CYP4F2: variants seen among roughly 807,000 people sequenced by gnomAD.
CYP4F2 encodes the protein cytochrome P450 family 4 subfamily F member 2.
CYP4F2 carries 58 observed loss-of-function variants against 58.9 expected under a neutral mutation model. The ratio of observed to expected loss-of-function variants is 0.98; its 90% confidence interval spans 0.80 to 1.23. CYP4F2 has a LOEUF of 1.23. Ranked by LOEUF, CYP4F2 falls within the 50% of genes most tolerant of loss-of-function variation. The pLI is 0.00. For synonymous variants in CYP4F2, 287 were observed against 261.1 expected (o/e 1.10, Z -0.95); for missense variants, 616 against 685.6 (o/e 0.90, Z 1.13).
At chr19:15,888,058 A>C (rs1347873909) in intron 7 of CYP4F2, among the ~76,000 whole-genome samples, 1 of 152,028 alleles carries the variant, frequency 6.6e-6, no homozygotes, top group Non-Finnish European at 1.5e-5. Flanking sequence ...ACACACATAG[A>C]CTGTCACAGA....
chr19:15,897,338 CCCACT>C, intron 2 of CYP4F2, 71 bp downstream of exon 2: 1 of 1,383,886 alleles, frequency 7.2e-7, no homozygotes. Flanking sequence ...CCCCTTCACC[CCCACT>C]CCCTAAGCCT....
At chr19:15,896,461 A>T (rs1407226269) in intron 2 of CYP4F2, among the ~76,000 whole-genome samples, 2 of 152,134 alleles carry the variant, frequency 1.3e-5, no homozygotes, top group African/African-American at 4.8e-5. Context: ...GCCCAGAGGC[A>T]GCTATATGGG....
chr19:15,892,485 C>T (rs902933201), intron 4 of CYP4F2, 44 bp downstream of exon 4: 4 of 1,613,792 alleles, frequency 2.5e-6, no homozygotes, highest in Middle Eastern at 1.6e-4. Context: ...CCTCCCCTGG[C>T]CCCCCAACGT....
chr19:15,879,716 G>A, intron 10 of CYP4F2, 48 bp from the exon 11 acceptor site: 1 of 1,613,878 alleles, frequency 6.2e-7, no homozygotes, highest in Non-Finnish European at 8.5e-7. Context: ...TTCACTGAGG[G>A]GCCCCTCTTC....
Position 15,878,463 on chromosome 19 carries a change from G to A in CYP4F2, c.*308C>T. Reference sequence around the variant, plus strand: ...TCAAGGTTCATCCACAGTGTAGTAGGGATCACTGCTTCATTCCTTTTTATG... The same window carrying A: ...TCAAGGTTCATCCACAGTGTAGTAGAGATCACTGCTTCATTCCTTTTTATG... On this transcript the variant is annotated 3_prime_UTR_variant, in exon 13 of 13. Coordinates refer to ENST00000221700, the MANE Select transcript of CYP4F2 (RefSeq NM_001082.5). The A allele has an allele frequency of 2.3e-6, 1 of 437,532 alleles. No individual in the cohort carries two copies. The highest frequency in any genetic ancestry group is 4.1e-6 in the Non-Finnish European group (1 of 245,138). The allele number at this position is 437,532 out of a possible 1,614,324, so 27.1% of individuals were successfully genotyped here.
At chr19:15,892,053 G>C (rs1303161559) in intron 5 of CYP4F2, among the ~76,000 whole-genome samples, 3 of 152,114 alleles carry the variant, frequency 2.0e-5, no homozygotes, top group African/African-American at 7.2e-5. Context: ...GTGTTTACAG[G>C]GCTTTGGTGA....
At chr19:15,886,128 G>A (rs2089377755) in intron 8 of CYP4F2, 75 bp from the exon 9 acceptor site, 1 of 1,604,354 alleles carries the variant, frequency 6.2e-7, no homozygotes, top group East Asian at 2.2e-5. Flanking sequence ...CATGCATTGA[G>A]GGCCTCAGGG....
chr19:15,886,031 A>G lies in CYP4F2; in HGVS notation c.1008T>C (p.Gly336=), dbSNP rs769453088. 4.3e-6 allele frequency: 7 copies of G among 1,613,770 alleles called. No individual in the cohort carries two copies. Among genetic ancestry groups the G allele is most frequent in the Non-Finnish European group, 5.9e-6 (7 of 1,179,906 alleles). Residue 336 remains glycine (G), a synonymous_variant, in exon 9 of 13, where the codon GGT becomes GGC. Transcript: ENST00000221700. Reference sequence around the variant, plus strand: ...CAAGGTGGTACAGGACCCAGGAGAGACCACTGGCCGTGGTGTCATGGCCTG... The same window carrying G: ...CAAGGTGGTACAGGACCCAGGAGAGGCCACTGGCCGTGGTGTCATGGCCTG... ...MFEGHDTTAS[G]LSWVLYHLAK... is the part of the protein sequence containing the mutation.
Position 15,885,926 on chromosome 19 carries a change from T to G in CYP4F2, c.1113A>C (p.Glu371Asp). Reference protein sequence around the residue: ...LLKDREPKEIEWDDLAHLPFL... With the variant: ...LLKDREPKEIDWDDLAHLPFL... ...AGGCCACAAGCACCTGCACTCACCATTCAATCTCTTTAGGCTCACGGTCCT... is the reference window on the plus strand; with the variant it reads ...AGGCCACAAGCACCTGCACTCACCAGTCAATCTCTTTAGGCTCACGGTCCT... Residue 371 changes from glutamate to aspartate, a missense_variant and splice_region_variant, in exon 9 of 13, where the codon GAA (glutamate) becomes GAC (aspartate). Physicochemically the swap from Glu to Asp is conservative, Grantham distance 45. Transcript: ENST00000221700. 1 of 1,613,228 alleles carries G rather than the reference T, an allele frequency of 6.2e-7. No individual in the cohort carries two copies. The highest frequency in any genetic ancestry group is 8.5e-7 in the Non-Finnish European group (1 of 1,179,478).
chr19:15,892,437 C>A lies in CYP4F2; in HGVS notation c.398-1G>T. On this transcript the variant is annotated splice_acceptor_variant, in intron 4 of 12. Transcript: ENST00000221700. LOFTEE classifies it high-confidence loss of function. ...CCAGCACTCAGCAGGAGCCCATCCC[C>A]TAGCAGGGCAGCCAAGGGCCATGGG... 6.2e-7 allele frequency: 1 copy of A among 1,614,214 alleles called. No homozygotes were observed. Among genetic ancestry groups the A allele is most frequent in the South Asian group, 1.1e-5 (1 of 91,078 alleles).
chr19:15,895,291 T>C (rs2215093), intron 3 of CYP4F2, among the ~76,000 whole-genome samples: 27,324 of 151,838 alleles, frequency 0.18, 2,651 homozygotes, highest in African/African-American at 0.23. Flanking sequence ...TCTCTTAGGG[T>C]TCCAGGGCAG....
In CYP4F2 at chr19:15,882,725, A is replaced by G. The variant is rs548266406; in HGVS notation, c.1116-2828T>C. 7.2e-5 allele frequency among the ~76,000 whole-genome samples: 11 copies of G among 152,364 alleles called. No individual in the cohort carries two copies. The South Asian group carries it at 2.3e-3, about 32-fold the overall frequency. On this transcript the variant is annotated intron_variant, in intron 9 of 12. Transcript: ENST00000221700. ...AATTAAAATTTATCAATGAAAGAAC[A>G]ATTTAAAAACAAACTCATTTTTGAA...
intron 6 of CYP4F2, 106 bp from the exon 7 acceptor site, chr19:15,889,799 T>A (rs3093156): frequency 0.5 from 753,133 of 1,502,268 alleles, 191,178 homozygotes; most frequent in South Asian, 0.53. Context: ...AAACAGAGTA[T>A]CCAGGAACAG....
intron 3 of CYP4F2, 103 bp from the exon 4 acceptor site, chr19:15,892,685 G>A: frequency 1.3e-6 from 2 of 1,521,240 alleles, no homozygotes; most frequent in East Asian, 2.3e-5. Flanking sequence ...CTCCCACTCT[G>A]AGCCCCACAT....
intron 9 of CYP4F2, among the ~76,000 whole-genome samples, chr19:15,882,056 AAT>A (rs1367519953): frequency 6.6e-6 from 1 of 152,114 alleles, no homozygotes; most frequent in Admixed American, 6.5e-5. Flanking sequence ...CAGCCTGTCC[AAT>A]ATGGTGAAAC....
chr19:15,896,042 A>C (rs1318211868), intron 2 of CYP4F2, among the ~76,000 whole-genome samples: 2 of 151,360 alleles, frequency 1.3e-5, no homozygotes, highest in African/African-American at 4.9e-5. Context: ...CCATGCATCC[A>C]TATGTCCTAT....
At position 15,891,552 on chromosome 19, in the gene CYP4F2, A is replaced by G. The variant is rs3093143; in HGVS notation, c.525+757T>C. On this transcript the variant is annotated intron_variant, in intron 5 of 12. Coordinates refer to ENST00000221700, the MANE Select transcript of CYP4F2 (RefSeq NM_001082.5). ...CACACCCTTTGCAATGTGATTTTTC[A>G]GCAACTCCCATTAATAGACAGAGCC... 9.3e-3 allele frequency among the ~76,000 whole-genome samples: 1,413 copies of G among 152,198 alleles called. 24 individuals carry two copies. The highest frequency in any genetic ancestry group is 0.031 in the African/African-American group (1,296 of 41,528).
chr19:15,883,256 G>C (rs1196096129), intron 9 of CYP4F2, among the ~76,000 whole-genome samples: 1 of 151,950 alleles, frequency 6.6e-6, no homozygotes, highest in Non-Finnish European at 1.5e-5. Flanking sequence ...TATATAAGGA[G>C]CTCAAATAAC....
chr19:15,892,520 G>A lies in CYP4F2; in HGVS notation c.397+9C>T, dbSNP rs1568473343. 6.2e-7 allele frequency: 1 copy of A among 1,614,088 alleles called. No homozygotes were observed. On this transcript the variant is annotated intron_variant, in intron 4 of 12. Transcript: ENST00000221700. ...TTTTTCCCAACCCTGTTCACCTGCAGATACTCACCCAGCCAGGGCTCCAGG... is the reference window on the plus strand; with the variant it reads ...TTTTTCCCAACCCTGTTCACCTGCAAATACTCACCCAGCCAGGGCTCCAGG...
Sources: allele counts gnomAD v4.1 joint callset (sites outside exome capture counted in the v4.1 genomes callset), GRCh38; gene constraint gnomAD v4.1.1; transcripts MANE v1.5; gene names NCBI Gene and HGNC (gene_info 2026-07-23, HGNC 2026-07-21).